The following CSTF2 variants were observed in gnomAD, a reference collection of about 807,000 sequenced individuals.
CSTF2 encodes the protein cleavage stimulation factor subunit 2, also known as CF-1 64 kDa subunit.
CSTF2 carries 8 observed loss-of-function variants against 45.4 expected under a neutral mutation model. That is an observed-to-expected ratio of 0.18 (90% confidence interval 0.10 to 0.32). The LOEUF (loss-of-function observed/expected upper bound fraction) is 0.32, where lower values mean the gene tolerates loss of function less well. Ranked by LOEUF, CSTF2 falls within the 10% of genes least tolerant of loss-of-function variation. CSTF2 has a pLI of 1.00. For synonymous variants in CSTF2, 155 were observed against 158.9 expected (o/e 0.98, Z 0.18); for missense variants, 253 against 477.1 (o/e 0.53, Z 4.38).
rs2085037474 is a variant in CSTF2 at position 100,841,224 on chromosome X, G to C, written c.*514G>C. Among the ~76,000 whole-genome samples, 1 of 112,558 alleles carries C rather than the reference G, an allele frequency of 8.9e-6. No individual in the cohort carries two copies. The highest frequency in any genetic ancestry group is 1.9e-5 in the Non-Finnish European group (1 of 53,344). On this transcript the variant is annotated 3_prime_UTR_variant, in exon 14 of 14. Transcript: ENST00000372972. ...TAGGAGAAAATATCACATGCTTAGA[G>C]CTATAAAATGGTCAGAAGGCTAACA... is the stretch of plus-strand genomic sequence containing the variant.
At chrX:100,832,437 C>T (rs1367069946) in intron 9 of CSTF2, among the ~76,000 whole-genome samples, 8 of 111,584 alleles carry the variant, frequency 7.2e-5, no homozygotes, top group Non-Finnish European at 1.3e-4. Context: ...AGTGATAGAG[C>T]CTAGATTTGA....
intron 13 of CSTF2, 150 bp downstream of exon 13, chrX:100,838,514 T>A: frequency 2.4e-6 from 1 of 416,211 alleles, no homozygotes; most frequent in Non-Finnish European, 3.8e-6. Flanking sequence ...TCAGCTCCTG[T>A]AGGGATAGAG....
chrX:100,826,696 A>G lies in CSTF2; in HGVS notation c.765A>G (p.Pro255=). ...LMQASMQGGV[P]APGQMPAAVT... ...AAGCTTCTATGCAGGGTGGAGTTCC[A>G]GCACCAGGGCAAATGCCAGCTGCTG... Residue 255 remains proline (P), a synonymous_variant, in exon 7 of 14, where the codon CCA becomes CCG. Transcript: ENST00000372972. The G allele has an allele frequency of 1.7e-6, 2 of 1,210,395 alleles. No individual in the cohort carries two copies. Among genetic ancestry groups the G allele is most frequent in the Non-Finnish European group, 2.2e-6 (2 of 894,654 alleles).
At chrX:100,839,312 T>G (rs1003858718) in intron 13 of CSTF2, among the ~76,000 whole-genome samples, 4 of 110,025 alleles carry the variant, frequency 3.6e-5, no homozygotes, top group African/African-American at 1.3e-4. Flanking sequence ...ACAACTTGAT[T>G]ACACATACAT....
intron 2 of CSTF2, 33 bp downstream of exon 2, chrX:100,821,638 T>G: frequency 9.5e-7 from 1 of 1,049,353 alleles, no homozygotes; most frequent in Non-Finnish European, 1.3e-6. Context: ...GGTGGGAGCT[T>G]CTTAAAAATC....
intron 7 of CSTF2, among the ~76,000 whole-genome samples, chrX:100,827,218 A>G (rs2084949968): frequency 8.9e-6 from 1 of 112,698 alleles, no homozygotes; most frequent in Non-Finnish European, 1.9e-5. Flanking sequence ...CATTTGTTAT[A>G]GCATATTAAA....
At chrX:100,833,761 C>T (rs1470602925) in intron 11 of CSTF2, among the ~76,000 whole-genome samples, 1 of 111,840 alleles carries the variant, frequency 8.9e-6, no homozygotes, top group Non-Finnish European at 1.9e-5. Context: ...GGGGTACAAA[C>T]CAACATCATG....
chrX:100,839,531 C>T (rs1046428217), intron 13 of CSTF2, among the ~76,000 whole-genome samples: 1 of 111,490 alleles, frequency 9.0e-6, no homozygotes, highest in African/African-American at 3.3e-5. Context: ...ATAATTACCA[C>T]TCTTACAAAA....
chrX:100,821,781 AAT>A (rs747081830), intron 2 of CSTF2, among the ~76,000 whole-genome samples, 176 bp downstream of exon 2: 13 of 112,282 alleles, frequency 1.2e-4, no homozygotes, highest in Non-Finnish European at 2.3e-4. Flanking sequence ...TCTTACCTAA[AAT>A]ATGTTTTTTT....
chrX:100,837,892 A>G (rs1178489407), intron 12 of CSTF2, among the ~76,000 whole-genome samples: 1 of 112,024 alleles, frequency 8.9e-6, no homozygotes, highest in Non-Finnish European at 1.9e-5. Flanking sequence ...CTTTCAAAAC[A>G]GGATTAAAAC....
At chrX:100,831,202 T>C in intron 8 of CSTF2, among the ~76,000 whole-genome samples, 1 of 111,338 alleles carries the variant, frequency 9.0e-6, no homozygotes, top group Middle Eastern at 4.6e-3. Context: ...TCTACCTCTG[T>C]TTTGTGACTC....
At chrX:100,829,983 T>G (rs771492469) in intron 8 of CSTF2, among the ~76,000 whole-genome samples, 6 of 112,310 alleles carry the variant, frequency 5.3e-5, no homozygotes, top group African/African-American at 1.3e-4. Context: ...AGATGAGCTT[T>G]CTTTTATAGT....
intron 13 of CSTF2, among the ~76,000 whole-genome samples, chrX:100,840,329 C>T (rs2085032791): frequency 8.9e-6 from 1 of 111,895 alleles, no homozygotes; most frequent in East Asian, 2.8e-4. Context: ...GGCAGTTTTG[C>T]CCCCTAGGTG....
chrX:100,826,790 C>A, intron 7 of CSTF2, 33 bp downstream of exon 7: 1 of 1,190,734 alleles, frequency 8.4e-7, no homozygotes, highest in Non-Finnish European at 1.1e-6. Flanking sequence ...CATTTCAGTA[C>A]TTGCTAAAGT....
At chrX:100,835,323 CTG>C (rs1488431667) in intron 11 of CSTF2, among the ~76,000 whole-genome samples, 1 of 107,089 alleles carries the variant, frequency 9.3e-6, no homozygotes, top group Non-Finnish European at 1.9e-5. Flanking sequence ...CCCAGCTACT[CTG>C]GAGGCTAAGG....
chrX:100,829,523 C>T (rs1367420217), intron 8 of CSTF2, among the ~76,000 whole-genome samples: 1 of 110,804 alleles, frequency 9.0e-6, no homozygotes, highest in Admixed American at 9.7e-5. Context: ...CACACACACA[C>T]ATATATATAC....
At chrX:100,823,788 A>C (rs1004822566) in intron 4 of CSTF2, 98 bp from the exon 5 acceptor site, 4 of 958,048 alleles carry the variant, frequency 4.2e-6, no homozygotes, top group Non-Finnish European at 1.4e-6. Context: ...AATGATAAAG[A>C]GCCTCTTGAA....
chrX:100,838,434 T>A, intron 13 of CSTF2, 70 bp downstream of exon 13: 1 of 1,016,387 alleles, frequency 9.8e-7, no homozygotes, highest in Non-Finnish European at 1.3e-6. Context: ...CTTTTAACCT[T>A]AACCAACAAG....
In CSTF2 at chrX:100,820,531, A is replaced by G. The variant is rs2084912217; in HGVS notation, c.58+57A>G. On this transcript the variant is annotated intron_variant, in intron 1 of 13. Transcript: ENST00000372972. ...GGAGGGACTCCCCTCTGCACCTTCTATCTCATGAATCGCTACCGGAGCCGC... is the reference window on the plus strand; with the variant it reads ...GGAGGGACTCCCCTCTGCACCTTCTGTCTCATGAATCGCTACCGGAGCCGC... 9.0e-6 allele frequency: 10 copies of G among 1,116,450 alleles called. 1 individual carries two copies. In the South Asian group the frequency reaches 1.5e-4, roughly 16 times the overall value. 92.0% of individuals were successfully genotyped at this position (1,116,450 alleles called of 1,213,427 possible).
Sources: allele counts gnomAD v4.1 joint callset (sites outside exome capture counted in the v4.1 genomes callset), GRCh38; gene constraint gnomAD v4.1.1; transcripts MANE v1.5; gene names NCBI Gene and HGNC (gene_info 2026-07-23, HGNC 2026-07-21).